DIS3L2: variants seen among roughly 807,000 people sequenced by gnomAD.
DIS3L2 encodes the protein DIS3 like 3'-5' exoribonuclease 2, also known as DIS3-like exonuclease 2.
DIS3L2 carries 34 observed loss-of-function variants against 97.5 expected under a neutral mutation model. The ratio of observed to expected loss-of-function variants is 0.35; its 90% CI spans 0.27 to 0.46. DIS3L2 has a LOEUF of 0.46. Among genes scored for constraint, DIS3L2 ranks in the 20% least tolerant of loss-of-function variants. DIS3L2 has a pLI of 1.00. For synonymous variants in DIS3L2, 435 were observed against 445.2 expected (o/e 0.98, Z 0.29); for missense variants, 1,038 against 1,146.0 (o/e 0.91, Z 1.36).
At chr2:232,021,719 T>G (rs1659755471) in intron 3 of DIS3L2, among the ~76,000 whole-genome samples, 2 of 152,282 alleles carry the variant, frequency 1.3e-5, no homozygotes, top group Middle Eastern at 6.8e-3. Flanking sequence ...GCTAATGATA[T>G]GAACTTTAAA....
At chr2:232,210,976 G>A (rs572806148) in intron 10 of DIS3L2, among the ~76,000 whole-genome samples, 2 of 151,960 alleles carry the variant, frequency 1.3e-5, no homozygotes, top group East Asian at 3.9e-4. Flanking sequence ...CATTCTTTTG[G>A]GATGTTACTG....
At chr2:232,206,681 C>G (rs999191146) in intron 9 of DIS3L2, among the ~76,000 whole-genome samples, 1 of 152,170 alleles carries the variant, frequency 6.6e-6, no homozygotes, top group Non-Finnish European at 1.5e-5. Flanking sequence ...CTTATCTTTC[C>G]AGCAAGCAAG....
intron 5 of DIS3L2, among the ~76,000 whole-genome samples, chr2:232,048,883 A>C (rs1376363622): frequency 6.6e-6 from 1 of 152,250 alleles, no homozygotes; most frequent in Non-Finnish European, 1.5e-5. Context: ...TTGTCCTATC[A>C]GCATTTCATG....
intron 5 of DIS3L2, among the ~76,000 whole-genome samples, chr2:232,081,725 G>A (rs1696406761): frequency 6.6e-6 from 1 of 152,126 alleles, no homozygotes; most frequent in Admixed American, 6.5e-5. Flanking sequence ...AGGTTCCAGG[G>A]TTGTCTTGTC....
chr2:232,164,442 T>A (rs1690742874), intron 9 of DIS3L2, among the ~76,000 whole-genome samples: 1 of 152,164 alleles, frequency 6.6e-6, no homozygotes, highest in Non-Finnish European at 1.5e-5. Flanking sequence ...ACCAAGAAAC[T>A]TTTCATACAA....
At chr2:231,979,847 A>G (rs1693202705) in intron 1 of DIS3L2, among the ~76,000 whole-genome samples, 1 of 152,144 alleles carries the variant, frequency 6.6e-6, no homozygotes, top group African/African-American at 2.4e-5. Context: ...AAGTGCTGGG[A>G]TTACAGTCGT....
At position 232,052,507 on chromosome 2, in the gene DIS3L2, A is replaced by G. The variant is rs139247711; in HGVS notation, c.366+22427A>G. ...ACCAATTACATTCTTATTCCTTTGTATGACATAAAGGCCTTCCATGACCTG... is the reference window on the plus strand; with the variant it reads ...ACCAATTACATTCTTATTCCTTTGTGTGACATAAAGGCCTTCCATGACCTG... On this transcript the variant is annotated intron_variant, in intron 5 of 20. Transcript: ENST00000325385. Among the ~76,000 whole-genome samples, 593 of 152,278 alleles carry G rather than the reference A, an allele frequency of 3.9e-3. 3 individuals are homozygous for G. Among genetic ancestry groups the G allele is most frequent in the African/African-American group, 0.013 (546 of 41,534 alleles).
intron 13 of DIS3L2, among the ~76,000 whole-genome samples, chr2:232,264,065 A>G (rs1168362809): frequency 6.6e-6 from 1 of 152,214 alleles, no homozygotes; most frequent in Non-Finnish European, 1.5e-5. Flanking sequence ...TTTCGGGATG[A>G]AACTTCCACT....
At chr2:232,252,930 G>C (rs947459482) in intron 12 of DIS3L2, among the ~76,000 whole-genome samples, 1 of 152,076 alleles carries the variant, frequency 6.6e-6, no homozygotes, top group Non-Finnish European at 1.5e-5. Flanking sequence ...ATGAGACCTT[G>C]TGTGGATGAA....
At chr2:232,164,297 C>T (rs908232312) in intron 9 of DIS3L2, among the ~76,000 whole-genome samples, 4 of 152,120 alleles carry the variant, frequency 2.6e-5, no homozygotes, top group Non-Finnish European at 4.4e-5. Flanking sequence ...AAAGTACTTT[C>T]GTGGTATTTT....
At chr2:232,063,544 G>A (rs1695772546) in intron 5 of DIS3L2, among the ~76,000 whole-genome samples, 1 of 152,022 alleles carries the variant, frequency 6.6e-6, no homozygotes, top group Non-Finnish European at 1.5e-5. Context: ...TTTCTGTTCT[G>A]CAAACATGCC....
At chr2:232,041,484 T>C (rs1480337090) in intron 5 of DIS3L2, among the ~76,000 whole-genome samples, 1 of 152,188 alleles carries the variant, frequency 6.6e-6, no homozygotes, top group Non-Finnish European at 1.5e-5. Context: ...GGATAGGATT[T>C]GATCCTCAAG....
intron 13 of DIS3L2, among the ~76,000 whole-genome samples, chr2:232,270,928 T>G (rs2106289858): frequency 6.6e-6 from 1 of 150,858 alleles, no homozygotes; most frequent in East Asian, 2.0e-4. Context: ...CTCGTCTCTC[T>G]CTCTCTCTCT....
At chr2:232,307,976 G>T (rs752220939) in intron 14 of DIS3L2, among the ~76,000 whole-genome samples, 22 of 152,202 alleles carry the variant, frequency 1.4e-4, no homozygotes, top group Non-Finnish European at 2.9e-4. Context: ...CCAGGAAGCT[G>T]CAGGGAGTGC....
chr2:231,969,613 C>T (rs1201880024), intron 1 of DIS3L2, among the ~76,000 whole-genome samples: 2 of 152,136 alleles, frequency 1.3e-5, no homozygotes, highest in Non-Finnish European at 2.9e-5. Flanking sequence ...GCCTGGCGTC[C>T]TAGAGCTTTT....
intron 5 of DIS3L2, among the ~76,000 whole-genome samples, chr2:232,041,974 T>G (rs1001004599): frequency 6.6e-6 from 1 of 152,216 alleles, no homozygotes; most frequent in Admixed American, 6.5e-5. Flanking sequence ...CAAGACAGGA[T>G]TATTTCACTT....
chr2:232,030,833 G>C (rs1466425627), intron 5 of DIS3L2, among the ~76,000 whole-genome samples: 1 of 151,802 alleles, frequency 6.6e-6, no homozygotes, highest in Non-Finnish European at 1.5e-5. Flanking sequence ...GAAGAATTTG[G>C]TGTCTTCTTC....
intron 5 of DIS3L2, among the ~76,000 whole-genome samples, chr2:232,067,971 G>C (rs1394008547): frequency 1.3e-5 from 2 of 152,136 alleles, no homozygotes; most frequent in Non-Finnish European, 2.9e-5. Context: ...ATATGAGAAA[G>C]ATTTACCATA....
chr2:232,168,505 GC>G (rs201678890), intron 9 of DIS3L2, among the ~76,000 whole-genome samples: 1 of 22,404 alleles, frequency 4.5e-5, no homozygotes, highest in Non-Finnish European at 8.0e-5. Flanking sequence ...TTAGCCAGTT[GC>G]CTTTTTTTTT....
Sources: allele counts gnomAD v4.1 joint callset (sites outside exome capture counted in the v4.1 genomes callset), GRCh38; gene constraint gnomAD v4.1.1; transcripts MANE v1.5; gene names NCBI Gene and HGNC (gene_info 2026-07-23, HGNC 2026-07-21).